The following HEXA variants were observed in gnomAD, a reference collection of about 807,000 sequenced individuals.
HEXA encodes the protein hexosaminidase subunit alpha, also known as beta-hexosaminidase subunit alpha.
A neutral mutation model predicts 73.3 loss-of-function variants in HEXA; 54 were observed. The observed-to-expected ratio is 0.74, with a 90% confidence interval of 0.59 to 0.92. The LOEUF is 0.92. Among genes scored for constraint, HEXA ranks in the 40% least tolerant of loss-of-function variants. HEXA has a pLI of 0.00. For missense variants in HEXA, 649 were observed against 653.0 expected (o/e 0.99, Z 0.07); for synonymous variants, 230 against 246.9 (o/e 0.93, Z 0.64).
chr15:72,348,650 C>A (rs1369864710), intron 8 of HEXA, among the ~76,000 whole-genome samples: 1 of 152,224 alleles, frequency 6.6e-6, no homozygotes, highest in African/African-American at 2.4e-5. Flanking sequence ...AAAGAAGCCC[C>A]TCAGCCTCTT....
At chr15:72,356,992 C>A in intron 1 of HEXA, 1 of 352,512 alleles carries the variant, frequency 2.8e-6, no homozygotes, top group South Asian at 2.6e-5. Flanking sequence ...AGATTAGCTG[C>A]CAATTTGCAA....
rs2088761673 is a variant in HEXA at position 72,355,379 on chromosome 15, A to T, written c.412+180T>A. ...CATCTCTACTAAAAATACAAGAATTAGCTGGGCATGGTGGCAGGCACCTGT... is the reference window on the plus strand; with the variant it reads ...CATCTCTACTAAAAATACAAGAATTTGCTGGGCATGGTGGCAGGCACCTGT... On this transcript the variant is annotated intron_variant, in intron 3 of 13. Transcript: ENST00000268097. The T allele has an allele frequency of 1.5e-5, 10 of 651,788 alleles. No homozygotes were observed. In the South Asian group the frequency reaches 1.6e-4, roughly 10 times the overall value. 40.4% of individuals were successfully genotyped at this position (651,788 alleles called of 1,614,324 possible). A position where few individuals can be genotyped will look rare whatever the true frequency, so the allele number is the denominator to read the frequency against.
rs1379381861 is a variant in HEXA, at chr15:72,350,605, T to C, written c.718A>G (p.Lys240Glu). ...VTHIYTAQDV[K>E]EVIEYARLRG... is the part of the protein sequence containing the mutation. The stretch of plus-strand genomic sequence containing the variant: ...AGCCGTGCGTATTCAATGACCTCCT[T>C]CACATCCTGTGCTGTGTAGATGTGG... Residue 240 changes from lysine (K) to glutamate (E), a missense_variant, in exon 7 of 14, where the codon AAG becomes GAG. Lys to Glu is a moderately conservative substitution (Grantham distance 56). Coordinates refer to ENST00000268097, the MANE Select transcript of HEXA (RefSeq NM_000520.6). 1 of 1,614,068 alleles carries C rather than the reference T, an allele frequency of 6.2e-7. No homozygotes were observed. Among genetic ancestry groups the C allele is most frequent in the East Asian group, 2.2e-5 (1 of 44,882 alleles).
At position 72,373,718 on chromosome 15, in the gene HEXA, G is replaced by A. The variant is rs920153833; in HGVS notation, c.253+2002C>T. 2.6e-5 allele frequency among the ~76,000 whole-genome samples: 4 copies of A among 152,260 alleles called. No individual in the cohort carries two copies. The East Asian group carries it at 7.7e-4, about 29-fold the overall frequency. On this transcript the variant is annotated intron_variant, in intron 1 of 13. Coordinates refer to ENST00000268097, the MANE Select transcript of HEXA (RefSeq NM_000520.6). ...CCTAATTTAGAAGTATAGGAATTAG[G>A]TATGGCGCGGTGGCTCATGCCTGTA...
In HEXA at chr15:72,375,905, A is replaced by T; in HGVS notation, c.68T>A (p.Leu23His). The change falls in exon 1 of 14, where the codon CTC (leucine) becomes CAC (histidine). Residue 23 changes from leucine (L) to histidine (H), a missense_variant. By Grantham distance (99) the Leu-to-His change is moderately conservative. Coordinates refer to ENST00000268097, the MANE Select transcript of HEXA (RefSeq NM_000520.6). ...TTGGAAGTTCTGAGGCCAGGGCCAGAGGGCCGTCGCCCGTCCTGCGAACGC... is the reference window on the plus strand; with the variant it reads ...TTGGAAGTTCTGAGGCCAGGGCCAGTGGGCCGTCGCCCGTCCTGCGAACGC... ...AAAFAGRATA[L>H]WPWPQNFQTS... 1 of 1,614,190 alleles carries T rather than the reference A, an allele frequency of 6.2e-7. No homozygotes were observed. The highest frequency in any genetic ancestry group is 1.6e-4 in the Middle Eastern group (1 of 6,062).
intron 1 of HEXA, among the ~76,000 whole-genome samples, chr15:72,365,859 G>C (rs2088909397): frequency 6.6e-6 from 1 of 152,054 alleles, no homozygotes; most frequent in Non-Finnish European, 1.5e-5. Flanking sequence ...TATTGTCAGG[G>C]AAATCCGCCA....
intron 1 of HEXA, chr15:72,359,763 A>C (rs1341192729): frequency 6.6e-6 from 1 of 150,718 alleles, no homozygotes; most frequent in Admixed American, 6.6e-5. Context: ...CAGTACTACC[A>C]AACAGTAGAA....
In HEXA at chr15:72,347,670, C is replaced by T. The variant is rs1297838415; in HGVS notation, c.1146+16G>A. The T allele has an allele frequency of 1.9e-6, 3 of 1,612,360 alleles. No individual in the cohort carries two copies. The highest frequency in any genetic ancestry group is 2.5e-6 in the Non-Finnish European group (3 of 1,178,466). ...GGCACTGCTGGTGGCTTCTTCTCTT[C>T]TCTGCCCCGGCTCACCTTTACTTTA... On this transcript the variant is annotated intron_variant, in intron 10 of 13. Transcript: ENST00000268097.
chr15:72,367,309 G>A (rs553692570), intron 1 of HEXA, among the ~76,000 whole-genome samples: 25 of 152,234 alleles, frequency 1.6e-4, no homozygotes, highest in African/African-American at 5.1e-4. Context: ...ATGGCAGCAC[G>A]AGTGAATGAG....
At chr15:72,360,180 T>G (rs973325659) in intron 1 of HEXA, 1 of 153,316 alleles carries the variant, frequency 6.5e-6, no homozygotes, top group Admixed American at 6.5e-5. Context: ...ATCTGCCTGC[T>G]GTGCCCCTGA....
In HEXA at chr15:72,344,071, T is replaced by C. The variant is rs2088580216; in HGVS notation, c.*6A>G. ...TACAGCCAGCACCCTCCTCGGTGCC[T>C]GGGGCTCAGGTCTGTTCAAACTCCT... On this transcript the variant is annotated 3_prime_UTR_variant, in exon 14 of 14. Transcript: ENST00000268097. 1 of 1,612,748 alleles carries C rather than the reference T, an allele frequency of 6.2e-7. No individual in the cohort carries two copies. The highest frequency in any genetic ancestry group is 1.7e-5 in the Admixed American group (1 of 59,978).
At chr15:72,370,468 A>C (rs927996393) in intron 1 of HEXA, 3 of 394,218 alleles carry the variant, frequency 7.6e-6, no homozygotes, top group Non-Finnish European at 1.3e-5. Flanking sequence ...AGACAAGAGG[A>C]TCGCTTGAAG....
rs1595816175 is a variant in HEXA, at chr15:72,375,792, G to A, written c.181C>T (p.Leu61Phe). Reference sequence around the variant, plus strand: ...CGATAGCGCTGGAAGGCCTCGTCGAGGACTGAGCAGCCGGGCTGCGCGGCC... The same window carrying A: ...CGATAGCGCTGGAAGGCCTCGTCGAAGACTGAGCAGCCGGGCTGCGCGGCC... ...SSAAQPGCSV[L>F]DEAFQRYRDL... The change falls in exon 1 of 14, where the codon CTC becomes TTC. Residue 61 changes from leucine (L) to phenylalanine (F), a missense_variant. Transcript: ENST00000268097. 6.2e-7 allele frequency: 1 copy of A among 1,614,240 alleles called. No individual in the cohort carries two copies. Among genetic ancestry groups the A allele is most frequent in the Non-Finnish European group, 8.5e-7 (1 of 1,180,044 alleles).
chr15:72,363,068 C>G (rs1032526857), intron 1 of HEXA, among the ~76,000 whole-genome samples: 1 of 152,174 alleles, frequency 6.6e-6, no homozygotes, highest in African/African-American at 2.4e-5. Context: ...TGCCCACTTT[C>G]TTCTCTTCCC....
intron 5 of HEXA, among the ~76,000 whole-genome samples, chr15:72,352,111 C>T (rs914865528): frequency 1.3e-5 from 2 of 152,142 alleles, no homozygotes; most frequent in Admixed American, 6.5e-5. Context: ...TTTGCGCCAT[C>T]GCGCCTGGCT....
intron 1 of HEXA, chr15:72,359,786 T>C: frequency 7.2e-6 from 1 of 139,224 alleles, no homozygotes; most frequent in Middle Eastern, 3.6e-3. Flanking sequence ...TATTTACGAT[T>C]AAAAAAAAAA....
chr15:72,352,717 G>A (rs375679260), intron 5 of HEXA, among the ~76,000 whole-genome samples: 2 of 149,646 alleles, frequency 1.3e-5, no homozygotes, highest in Middle Eastern at 3.4e-3. Context: ...AGGCTGGAGT[G>A]CAGTGGCGTG....
chr15:72,344,971 T>C (rs1272912867), intron 13 of HEXA, among the ~76,000 whole-genome samples: 5 of 152,202 alleles, frequency 3.3e-5, no homozygotes. Flanking sequence ...AATGCACCTG[T>C]CTCATGGGGC....
chr15:72,362,356 T>G (rs1489826560), intron 1 of HEXA: 2 of 433,546 alleles, frequency 4.6e-6, no homozygotes, highest in Non-Finnish European at 9.3e-6. Flanking sequence ...GATATGCTGT[T>G]TATTTGTCTA....
Sources: gnomAD v4.1 joint callset for allele counts (sites outside exome capture counted in the v4.1 genomes callset) on GRCh38, gnomAD v4.1.1 for gene constraint, MANE v1.5 for transcripts, NCBI Gene and HGNC (gene_info 2026-07-23, HGNC 2026-07-21) for gene names.